GTPBP2: variants seen among roughly 807,000 people sequenced by gnomAD.
GTPBP2 encodes GTP-binding protein 2.
Under a neutral mutation model 63.0 loss-of-function variants are expected in GTPBP2, and 32 were observed. That is an observed-to-expected ratio of 0.51 (90% CI 0.38 to 0.68). The LOEUF (loss-of-function observed/expected upper bound fraction) is 0.68, where lower values mean the gene tolerates loss of function less well. Ranked by LOEUF, GTPBP2 falls within the 30% of genes least tolerant of loss-of-function variation. GTPBP2 has a pLI of 0.00. For synonymous variants in GTPBP2, 310 were observed against 322.6 expected, an observed-to-expected ratio of 0.96 and a Z score of 0.42; for missense variants, 492 against 796.9, an observed-to-expected ratio of 0.62 and a Z score of 4.61.
chr6:43,624,985 C>G lies in GTPBP2; in HGVS notation c.783G>C (p.Leu261=). ...TGTGTAGGTACTTATGGTGGCCTGC[C>G]AGGTCGATGAAGGTGATCATCTTGG... is the stretch of plus-strand genomic sequence containing the variant. ...SSSKMITFID[L]AGHHKYLHTT... The change falls in exon 6 of 12, where the codon CTG becomes CTC. Residue 261 remains leucine (L), a synonymous_variant. Transcript: ENST00000307126. This position sits in a 1 kb window ranked among gnomAD's most constrained non-coding sequence, Gnocchi z 5.1. The G allele has an allele frequency of 6.2e-7, 1 of 1,613,948 alleles. No individual in the cohort carries two copies. The highest frequency in any genetic ancestry group is 8.5e-7 in the Non-Finnish European group (1 of 1,179,970).
chr6:43,625,301 C>A lies in GTPBP2; in HGVS notation c.705+62G>T. 6.7e-7 allele frequency: 1 copy of A among 1,482,708 alleles called. No homozygotes were observed. The highest frequency in any genetic ancestry group is 1.1e-5 in the South Asian group (1 of 88,088). The allele number at this position is 1,482,708 out of a possible 1,614,324, so 91.8% of individuals were successfully genotyped here. ...CCACACTCTACCCCCATCCTATGTC[C>A]TTCACTACTACCATCCCATCCTCAG... On this transcript the variant is annotated intron_variant, in intron 5 of 11. Coordinates refer to ENST00000307126, the MANE Select transcript of GTPBP2 (RefSeq NM_019096.5). This position sits in a 1 kb window ranked among gnomAD's most constrained non-coding sequence, Gnocchi z 5.1.
intron 1 of GTPBP2, chr6:43,628,749 A>C (rs753263354): frequency 1.3e-6 from 1 of 769,180 alleles, no homozygotes; most frequent in South Asian, 1.4e-5. Context: ...CAGAAGGGGG[A>C]GTCCTCCCTC....
At position 43,625,035 on chromosome 6, in the gene GTPBP2, C is replaced by T; in HGVS notation, c.733G>A (p.Ala245Thr). The T allele has an allele frequency of 6.2e-7, 1 of 1,613,870 alleles. No individual in the cohort carries two copies. Among genetic ancestry groups the T allele is most frequent in the African/African-American group, 1.3e-5 (1 of 75,012 alleles). The change falls in exon 6 of 12, where the codon GCA becomes ACA. Residue 245 changes from alanine (A) to threonine (T), a missense_variant. Around this residue, in one of 2 missense-constraint regions of GTPBP2, gnomAD observed 400 missense variants for 710.8 expected, o/e 0.56. Coordinates refer to ENST00000307126, the MANE Select transcript of GTPBP2 (RefSeq NM_019096.5). This position sits in a 1 kb window ranked among gnomAD's most constrained non-coding sequence, Gnocchi z 5.1. ...EVVNYSDSRTAEEICESSSKM... is the reference protein window; with the variant it reads ...EVVNYSDSRTTEEICESSSKM... ...GAGCTGCTCTCACAGATCTCTTCTG[C>T]TGTCCGTGAGTCGCTGTAATTCACC...
At chr6:43,628,535 T>A (rs1404221947) in intron 1 of GTPBP2, 1 of 964,268 alleles carries the variant, frequency 1.0e-6, no homozygotes, top group African/African-American at 1.8e-5. Flanking sequence ...TCCCGAGTAC[T>A]GTGTGTGTGT....
rs1252906620 is a variant in GTPBP2 at position 43,626,251 on chromosome 6, T to A, written c.373A>T (p.Lys125Ter). 2 of 1,614,058 alleles carry A rather than the reference T, an allele frequency of 1.2e-6. No individual in the cohort carries two copies. The highest frequency in any genetic ancestry group is 8.5e-7 in the Non-Finnish European group (1 of 1,180,038). ...TTCTCTGCCATCCGGTGCAGGGTCT[T>A]GAGCGAAGCTCGCATTTCCTCCTCA... The part of the protein sequence containing the change: ...LAEEEMRASL[K>*]TLHRMAEKVG... Residue 125 changes from lysine (K) to a stop codon, truncating the protein, a stop_gained, in exon 3 of 12, where the codon AAG (lysine) becomes TAG (stop). Coordinates refer to ENST00000307126, the MANE Select transcript of GTPBP2 (RefSeq NM_019096.5). LOFTEE classifies it high-confidence loss of function. The surrounding 1 kb of genome is among the most constrained non-coding windows in gnomAD (Gnocchi z 4.0).
chr6:43,625,743 G>A lies in GTPBP2; in HGVS notation c.507+13C>T, dbSNP rs748978353. ...AGTGTGGACATGAGAGACAGGGATG[G>A]GTGTGTGCTCACCTGTTGGTTGTCA... On this transcript the variant is annotated intron_variant, in intron 4 of 11. Coordinates refer to ENST00000307126, the MANE Select transcript of GTPBP2 (RefSeq NM_019096.5). This position sits in a 1 kb window ranked among gnomAD's most constrained non-coding sequence, Gnocchi z 5.1. The A allele has an allele frequency of 3.8e-6, 6 of 1,575,710 alleles. No homozygotes were observed. The highest frequency in any genetic ancestry group is 5.2e-6 in the Non-Finnish European group (6 of 1,144,876).
upstream of GTPBP2, chr6:43,629,881 G>A: frequency 7.5e-6 from 10 of 1,325,910 alleles, no homozygotes; most frequent in Middle Eastern, 3.9e-4. Context: ...TTTATTACCA[G>A]GCTGGCACCG....
Position 43,629,246 on chromosome 6 carries a change from C to A in GTPBP2, c.-84G>T, listed in dbSNP as rs1402324748. On this transcript the variant is annotated 5_prime_UTR_variant, in exon 1 of 12. Coordinates refer to ENST00000307126, the MANE Select transcript of GTPBP2 (RefSeq NM_019096.5). ...CCGCCCTTACTGCCACTGCCGTGTC[C>A]GGCCGGCCTGAGCAGAGTGGGGTGG... 4 of 1,047,174 alleles carry A rather than the reference C, an allele frequency of 3.8e-6. No individual in the cohort carries two copies. Among genetic ancestry groups the A allele is most frequent in the Non-Finnish European group, 5.0e-6 (4 of 792,908 alleles). 64.9% of individuals were successfully genotyped at this position (1,047,174 alleles called of 1,614,324 possible). A position where few individuals can be genotyped will look rare whatever the true frequency, so the allele number is the denominator to read the frequency against.
upstream of GTPBP2, among the ~76,000 whole-genome samples, chr6:43,630,638 G>A (rs1220985562): frequency 6.6e-6 from 1 of 151,880 alleles, no homozygotes. Context: ...GGCTGCTCGC[G>A]AGGCTGAGGC....
At position 43,623,967 on chromosome 6, in the gene GTPBP2, T is replaced by C; in HGVS notation, c.1202A>G (p.Gln401Arg). ...CGTCAGCTGCTGCATGAGTTCCTCC[T>C]GCTCTTTGCTGTTGGTGAGTGGCGG... ...ILPPLTNSKE[Q>R]EELMQQLTEF... Residue 401 changes from glutamine to arginine, a missense_variant, in exon 8 of 12, where the codon CAG becomes CGG. Gln to Arg is a conservative substitution (Grantham distance 43, BLOSUM62 1). Around this residue, in one of 2 missense-constraint regions of GTPBP2, gnomAD observed 400 missense variants for 710.8 expected, o/e 0.56. Coordinates refer to ENST00000307126, the MANE Select transcript of GTPBP2 (RefSeq NM_019096.5). 1 of 1,614,210 alleles carries C rather than the reference T, an allele frequency of 6.2e-7. No individual in the cohort carries two copies. The highest frequency in any genetic ancestry group is 8.5e-7 in the Non-Finnish European group (1 of 1,180,014).
Position 43,626,927 on chromosome 6 carries a change from A to ATCC in GTPBP2, c.207_208insGGA (p.Glu69_Tyr70insGly). 6.2e-7 allele frequency: 1 copy of ATCC among 1,612,810 alleles called. No homozygotes were observed. The highest frequency in any genetic ancestry group is 8.5e-7 in the Non-Finnish European group (1 of 1,178,800). ...TTCCCCAGCCTAGGACTCACTTTATATTCAATGTTTCCATCTTCAGCCTGA... is the reference window on the plus strand; with the variant it reads ...TTCCCCAGCCTAGGACTCACTTTATATCCTTCAATGTTTCCATCTTCAGCCTGA... On this transcript the variant is annotated inframe_insertion, in exon 2 of 12. Coordinates refer to ENST00000307126, the MANE Select transcript of GTPBP2 (RefSeq NM_019096.5). This position sits in a 1 kb window ranked among gnomAD's most constrained non-coding sequence, Gnocchi z 4.0.
In GTPBP2 at chr6:43,625,348, A is replaced by G. The variant is rs748285474; in HGVS notation, c.705+15T>C. 1.9e-6 allele frequency: 3 copies of G among 1,612,006 alleles called. No homozygotes were observed. Among genetic ancestry groups the G allele is most frequent in the South Asian group, 2.2e-5 (2 of 91,032 alleles). ...TCAGAGTCTGGCCCCATTGGGTCCC[A>G]TTGATCCCATGCACCTCTCCCTTGC... On this transcript the variant is annotated intron_variant, in intron 5 of 11. Transcript: ENST00000307126. This position sits in a 1 kb window ranked among gnomAD's most constrained non-coding sequence, Gnocchi z 5.1.
upstream of GTPBP2, chr6:43,629,484 AAGGG>A: frequency 1.7e-6 from 1 of 598,366 alleles, no homozygotes; most frequent in Non-Finnish European, 3.0e-6. Flanking sequence ...GCAAAGGCTT[AAGGG>A]AGCTGTAGTC....
upstream of GTPBP2, chr6:43,629,489 A>T: frequency 3.3e-6 from 2 of 602,520 alleles, no homozygotes; most frequent in Non-Finnish European, 5.9e-6. Flanking sequence ...GGCTTAAGGG[A>T]GCTGTAGTCT....
chr6:43,628,504 G>GTT, intron 1 of GTPBP2: 1 of 820,676 alleles, frequency 1.2e-6, no homozygotes, highest in Non-Finnish European at 1.5e-6. Flanking sequence ...GTGTGTGTGT[G>GTT]TAGTGAACAT....
rs767756427 is a variant in GTPBP2, at chr6:43,621,469, GAAAGTTGGCA to G, written c.*135_*144del. On this transcript the variant is annotated 3_prime_UTR_variant, in exon 12 of 12. Coordinates refer to ENST00000307126, the MANE Select transcript of GTPBP2 (RefSeq NM_019096.5). ...CCACACCAAGTTTGGCACCTCTCCAGAAAGTTGGCAGGGAGCAAGTGGCAGACAGCACCCC... is the reference window on the plus strand; with the variant it reads ...CCACACCAAGTTTGGCACCTCTCCAGGGGAGCAAGTGGCAGACAGCACCCC... 1 of 1,551,516 alleles carries G rather than the reference GAAAGTTGGCA, an allele frequency of 6.4e-7. No homozygotes were observed. The highest frequency in any genetic ancestry group is 8.7e-7 in the Non-Finnish European group (1 of 1,146,982).
In GTPBP2 at chr6:43,621,116, C is replaced by T. The variant is rs1016937877; in HGVS notation, c.*498G>A. The T allele has an allele frequency of 2.3e-5, 7 of 310,692 alleles. No homozygotes were observed. Among genetic ancestry groups the T allele is most frequent in the Admixed American group, 1.2e-4 (3 of 24,548 alleles). 19.2% of individuals were successfully genotyped at this position (310,692 alleles called of 1,614,324 possible). On this transcript the variant is annotated 3_prime_UTR_variant, in exon 12 of 12. Coordinates refer to ENST00000307126, the MANE Select transcript of GTPBP2 (RefSeq NM_019096.5). The stretch of plus-strand genomic sequence containing the variant: ...TGTGCCATTTCTTCAGACTCTGGGC[C>T]GCCACCACCACCAGATGGCCAAGAG...
rs371391526 is a variant in GTPBP2 at position 43,626,828 on chromosome 6, CAAA to C, written c.213+91_213+93del. 45 of 828,556 alleles carry C rather than the reference CAAA, an allele frequency of 5.4e-5. No homozygotes were observed. Among genetic ancestry groups the C allele is most frequent in the South Asian group, 9.7e-5 (5 of 51,418 alleles). The allele number at this position is 828,556 out of a possible 1,614,324, so 51.3% of individuals were successfully genotyped here. On this transcript the variant is annotated intron_variant, in intron 2 of 11. Coordinates refer to ENST00000307126, the MANE Select transcript of GTPBP2 (RefSeq NM_019096.5). This position sits in a 1 kb window ranked among gnomAD's most constrained non-coding sequence, Gnocchi z 4.0. ...AGGCAACAAGAGCAAAACTTCATCT[CAAA>C]AAAAAAAAAGAAAGAAAGAAAAAAG...
At chr6:43,628,827 G>A (rs760310277) in intron 1 of GTPBP2, 150 bp downstream of exon 1, 1 of 908,114 alleles carries the variant, frequency 1.1e-6, no homozygotes, top group South Asian at 1.3e-5. Flanking sequence ...CTGGGGTCCC[G>A]GGACCTGAAA....
Sources: allele counts gnomAD v4.1 joint callset (sites outside exome capture counted in the v4.1 genomes callset), GRCh38; gene constraint gnomAD v4.1.1; regional missense constraint gnomAD v4.1.1; non-coding constraint Gnocchi (gnomAD v3.1); transcripts MANE v1.5; gene names NCBI Gene and HGNC (gene_info 2026-07-23, HGNC 2026-07-21).